The following PID1 variants were observed in gnomAD, a reference collection of about 807,000 sequenced individuals.
The protein encoded by PID1 is phosphotyrosine interaction domain containing 1.
Under a neutral mutation model 19.1 loss-of-function variants are expected in PID1, and 10 were observed. The ratio of observed to expected loss-of-function variants is 0.52; its 90% CI spans 0.32 to 0.89. The LOEUF (loss-of-function observed/expected upper bound fraction) is 0.89. PID1 is among the 40% of genes least tolerant of loss of function. The pLI, the probability that PID1 is intolerant of heterozygous loss-of-function variation, is 0.03. For synonymous variants in PID1, 130 were observed against 116.0 expected, an observed-to-expected ratio of 1.12 and a Z score of -0.78; for missense variants, 248 against 285.3, an observed-to-expected ratio of 0.87 and a Z score of 0.94.
At chr2:229,216,262 G>A (rs781564603) in intron 1 of PID1, among the ~76,000 whole-genome samples, 12 of 152,186 alleles carry the variant, frequency 7.9e-5, no homozygotes, top group African/African-American at 1.2e-4. Flanking sequence ...ATGCCCGGGG[G>A]CACGTGCATC....
In PID1 at chr2:229,183,622, C is replaced by T. The variant is rs147675384; in HGVS notation, c.31-27658G>A. Among the ~76,000 whole-genome samples the T allele has an allele frequency of 8.5e-4, 129 of 152,178 alleles. 2 individuals carry two copies. The East Asian group carries it at 0.023, about 28-fold the overall frequency. Reference sequence around the variant, plus strand: ...TCCTAATCTCTTGGAGTGGGTACATCAGTCTTTTGCTGATTTTGGACTCAC... The same window carrying T: ...TCCTAATCTCTTGGAGTGGGTACATTAGTCTTTTGCTGATTTTGGACTCAC... On this transcript the variant is annotated intron_variant, in intron 1 of 2. Coordinates refer to ENST00000392055, the MANE Select transcript of PID1 (RefSeq NM_001100818.2).
At chr2:229,062,565 T>C (rs1490902885) in intron 2 of PID1, among the ~76,000 whole-genome samples, 1 of 151,928 alleles carries the variant, frequency 6.6e-6, no homozygotes, top group Non-Finnish European at 1.5e-5. Flanking sequence ...TCTATTCTTG[T>C]AGGTCTTGTG....
chr2:229,214,389 G>C (rs1220328365), intron 1 of PID1, among the ~76,000 whole-genome samples: 1 of 152,068 alleles, frequency 6.6e-6, no homozygotes, highest in Non-Finnish European at 1.5e-5. Context: ...TGCTGCTGAG[G>C]GTCCAGTGAG....
At chr2:229,063,301 CAT>C (rs1694253525) in intron 2 of PID1, among the ~76,000 whole-genome samples, 1 of 152,006 alleles carries the variant, frequency 6.6e-6, no homozygotes, top group Non-Finnish European at 1.5e-5. Flanking sequence ...TTGCTTCCCA[CAT>C]GTTTTGGTAT....
At position 229,109,542 on chromosome 2, in the gene PID1, T is replaced by C. The variant is rs150696281; in HGVS notation, c.177+46276A>G. On this transcript the variant is annotated intron_variant, in intron 2 of 2. Transcript: ENST00000392055. ...TGCATGCTCCCCATCACAGAAGGCA[T>C]CAGGCCAGAGGAGATGGATGACTTA... 6.2e-3 allele frequency among the ~76,000 whole-genome samples: 941 copies of C among 152,248 alleles called. 16 individuals carry two copies. Among genetic ancestry groups the C allele is most frequent in the African/African-American group, 0.021 (878 of 41,534 alleles).
chr2:229,192,199 A>G (rs904656332), intron 1 of PID1, among the ~76,000 whole-genome samples: 1 of 152,154 alleles, frequency 6.6e-6, no homozygotes, highest in Non-Finnish European at 1.5e-5. Flanking sequence ...ACACGGTTTG[A>G]CAGTTGTCCT....
intron 1 of PID1, among the ~76,000 whole-genome samples, chr2:229,235,492 T>C (rs1351488159): frequency 5.4e-5 from 5 of 92,932 alleles, no homozygotes; most frequent in Non-Finnish European, 1.2e-4. Flanking sequence ...AATATGTTTA[T>C]GTGTTTTTTT....
chr2:229,155,196 T>C lies in PID1; in HGVS notation c.177+622A>G, dbSNP rs538934707. Among the ~76,000 whole-genome samples, 5 of 152,286 alleles carry C rather than the reference T, an allele frequency of 3.3e-5. No individual in the cohort carries two copies. In the East Asian group the frequency reaches 9.6e-4, roughly 29 times the overall value. ...GAAGAATTATCATTAAGAACAAAAC[T>C]TTTCTTGTGAACTCCAAAGTTCCAC... On this transcript the variant is annotated intron_variant, in intron 2 of 2. Transcript: ENST00000392055.
chr2:229,143,899 T>C (rs1015277442), intron 2 of PID1, among the ~76,000 whole-genome samples: 5 of 152,078 alleles, frequency 3.3e-5, no homozygotes, highest in African/African-American at 1.2e-4. Context: ...ATTAAACCCC[T>C]TTTCCTTACA....
chr2:229,227,732 A>G (rs1051056815), intron 1 of PID1, among the ~76,000 whole-genome samples: 2 of 152,198 alleles, frequency 1.3e-5, no homozygotes, highest in Admixed American at 6.5e-5. Flanking sequence ...TGGGTTCTGC[A>G]TCAGTGGATT....
intron 1 of PID1, among the ~76,000 whole-genome samples, chr2:229,264,215 C>T (rs1399573516): frequency 6.6e-6 from 1 of 152,134 alleles, no homozygotes; most frequent in Non-Finnish European, 1.5e-5. Context: ...AGAACGGCTT[C>T]ACTTATCTAA....
chr2:229,073,101 C>G (rs576634538), intron 2 of PID1, among the ~76,000 whole-genome samples: 1 of 152,350 alleles, frequency 6.6e-6, no homozygotes, highest in East Asian at 1.9e-4. Flanking sequence ...TCTCAGCTCA[C>G]TGCAAGCTCC....
rs1334524486 is a variant in PID1, at chr2:229,196,349, T to C, written c.31-40385A>G. Among the ~76,000 whole-genome samples the C allele has an allele frequency of 3.9e-5, 6 of 152,224 alleles. No homozygotes were observed. In the East Asian group the frequency reaches 1.2e-3, roughly 29 times the overall value. ...CAAAGATAATCAAAGAATCTATGCC[T>C]TCAAAGACTAAAAGTTATCCCTTTT... On this transcript the variant is annotated intron_variant, in intron 1 of 2. Coordinates refer to ENST00000392055, the MANE Select transcript of PID1 (RefSeq NM_001100818.2).
intron 1 of PID1, among the ~76,000 whole-genome samples, chr2:229,266,794 G>C (rs1044711420): frequency 6.6e-6 from 1 of 152,104 alleles, no homozygotes; most frequent in South Asian, 2.1e-4. Flanking sequence ...AAAGCTCCTC[G>C]GCACAGTGCC....
chr2:229,076,375 T>C (rs1159760672), intron 2 of PID1, among the ~76,000 whole-genome samples: 1 of 152,058 alleles, frequency 6.6e-6, no homozygotes, highest in African/African-American at 2.4e-5. Context: ...AACTCTTTCT[T>C]GGGTTTTTGT....
chr2:229,202,562 C>T (rs930583350), intron 1 of PID1, among the ~76,000 whole-genome samples: 3 of 151,958 alleles, frequency 2.0e-5, no homozygotes, highest in African/African-American at 4.8e-5. Flanking sequence ...GCCTGATGTA[C>T]TGTTCACAAG....
chr2:229,107,226 G>A (rs1277166769), intron 2 of PID1, among the ~76,000 whole-genome samples: 1 of 152,140 alleles, frequency 6.6e-6, no homozygotes, highest in African/African-American at 2.4e-5. Flanking sequence ...TCAGCATCTG[G>A]CTTCCAGAAT....
At chr2:229,253,706 A>G (rs1456435174) in intron 1 of PID1, among the ~76,000 whole-genome samples, 1 of 151,934 alleles carries the variant, frequency 6.6e-6, no homozygotes, top group Non-Finnish European at 1.5e-5. Context: ...GGTTTCTGGT[A>G]TTTTACAGAG....
intron 1 of PID1, among the ~76,000 whole-genome samples, chr2:229,197,831 G>A (rs1691409597): frequency 6.6e-6 from 1 of 151,852 alleles, no homozygotes. Flanking sequence ...GATATTTATT[G>A]GGTCATCATA....
Sources: allele counts gnomAD v4.1 joint callset (sites outside exome capture counted in the v4.1 genomes callset), GRCh38; gene constraint gnomAD v4.1.1; transcripts MANE v1.5; gene names NCBI Gene and HGNC (gene_info 2026-07-23, HGNC 2026-07-21).